The following STPG2 variants were observed in gnomAD, a reference collection of about 807,000 sequenced individuals.
The protein encoded by STPG2 is sperm-tail PG-rich repeat-containing protein 2.
In STPG2, 56 loss-of-function variants were observed where a neutral mutation model predicts 54.2. The ratio of observed to expected loss-of-function variants is 1.03; its 90% CI spans 0.83 to 1.29. STPG2 has a LOEUF of 1.29. Ranked by LOEUF, STPG2 falls within the 50% of genes most tolerant of loss-of-function variation. STPG2 has a pLI of 0.00. For synonymous variants in STPG2, 200 were observed against 181.8 expected (o/e 1.10, Z -0.81); for missense variants, 596 against 544.9 (o/e 1.09, Z -0.93).
chr4:97,860,089 C>A (rs569967536), intron 8 of STPG2, among the ~76,000 whole-genome samples: 3 of 152,270 alleles, frequency 2.0e-5, no homozygotes, highest in East Asian at 3.9e-4. Flanking sequence ...GGTCTACGTG[C>A]CAATTTGTAC....
At chr4:97,800,562 C>T (rs1479530795) in intron 9 of STPG2, among the ~76,000 whole-genome samples, 1 of 152,174 alleles carries the variant, frequency 6.6e-6, no homozygotes, top group African/African-American at 2.4e-5. Flanking sequence ...CAGAGTGGTA[C>T]CCGGCCGTGT....
chr4:97,867,098 T>A (rs1729815840), intron 8 of STPG2, among the ~76,000 whole-genome samples: 1 of 152,000 alleles, frequency 6.6e-6, no homozygotes, highest in Admixed American at 6.6e-5. Context: ...CAGCCTAGAA[T>A]CTGTTTATTG....
chr4:97,477,762 T>C (rs1301049744), intron 4 of STPG2, among the ~76,000 whole-genome samples: 1 of 152,000 alleles, frequency 6.6e-6, no homozygotes, highest in Non-Finnish European at 1.5e-5. Flanking sequence ...AGTGCTGGGA[T>C]TACAGACGTG....
chr4:97,768,122 A>G lies in STPG2; in HGVS notation c.1205-55308T>C, dbSNP rs535979527. ...GCGGATCTTGCAGTGAGCCGAGATC[A>G]CGCCACTGCACTCCAGCCTGGGCAA... On this transcript the variant is annotated intron_variant, in intron 9 of 10. Transcript: ENST00000295268. 1.2e-4 allele frequency among the ~76,000 whole-genome samples: 18 copies of G among 151,554 alleles called. No individual in the cohort carries two copies. The South Asian group carries it at 2.1e-3, about 18-fold the overall frequency.
intron 4 of STPG2, among the ~76,000 whole-genome samples, chr4:97,462,448 G>A (rs769895397): frequency 5.3e-5 from 8 of 151,656 alleles, no homozygotes; most frequent in Non-Finnish European, 1.0e-4. Flanking sequence ...CATACAATCC[G>A]CTGAGATTTT....
chr4:97,894,596 AC>A lies in STPG2; in HGVS notation c.1044+49300del, dbSNP rs150915062. Among the ~76,000 whole-genome samples, 392 of 151,842 alleles carry A rather than the reference AC, an allele frequency of 2.6e-3. 3 individuals carry two copies. The highest frequency in any genetic ancestry group is 8.8e-3 in the African/African-American group (366 of 41,476). ...CTCAGGATTCCCAATTAACTGCTCT[AC>A]TCAATCTTAACCATGCTCTTCAGCT... On this transcript the variant is annotated intron_variant, in intron 8 of 10. Transcript: ENST00000295268.
intron 8 of STPG2, among the ~76,000 whole-genome samples, chr4:97,852,967 C>CT (rs574886386): frequency 0.033 from 2,318 of 69,666 alleles, 486 homozygotes; most frequent in African/African-American, 0.06. Context: ...AACATATTTT[C>CT]TTTTTTTTTT....
At chr4:97,751,722 C>T (rs1725585888) in intron 9 of STPG2, among the ~76,000 whole-genome samples, 1 of 151,652 alleles carries the variant, frequency 6.6e-6, no homozygotes. Flanking sequence ...TTATGAGAAT[C>T]AATTTGGAAT....
chr4:97,630,765 C>G (rs183176664), intron 10 of STPG2, among the ~76,000 whole-genome samples: 1 of 151,590 alleles, frequency 6.6e-6, no homozygotes, highest in Non-Finnish European at 1.5e-5. Context: ...TAGTCAATCT[C>G]AAGGTGGCTT....
At chr4:97,483,227 C>A (rs1730269321) in intron 4 of STPG2, among the ~76,000 whole-genome samples, 1 of 151,718 alleles carries the variant, frequency 6.6e-6, no homozygotes, top group Non-Finnish European at 1.5e-5. Context: ...TACCTCACAT[C>A]TCAATACTAA....
chr4:97,625,489 CT>C (rs1163174081), intron 10 of STPG2, among the ~76,000 whole-genome samples: 1 of 151,960 alleles, frequency 6.6e-6, no homozygotes, highest in Non-Finnish European at 1.5e-5. Flanking sequence ...TTTGTATTTT[CT>C]TTTTAGTAGA....
chr4:97,705,449 C>T (rs1053064722), intron 10 of STPG2, among the ~76,000 whole-genome samples: 3 of 152,064 alleles, frequency 2.0e-5, no homozygotes, highest in African/African-American at 7.2e-5. Context: ...TCTCTGCCTC[C>T]TAAGCAGCTG....
chr4:97,883,657 GGAAA>G (rs1730460301), intron 8 of STPG2, among the ~76,000 whole-genome samples: 1 of 151,968 alleles, frequency 6.6e-6, no homozygotes, highest in Non-Finnish European at 1.5e-5. Context: ...ACAGAGCCAA[GGAAA>G]GAATCACTGC....
At chr4:97,541,157 T>A (rs1226143354) in intron 4 of STPG2, among the ~76,000 whole-genome samples, 1 of 152,014 alleles carries the variant, frequency 6.6e-6, no homozygotes, top group Non-Finnish European at 1.5e-5. Context: ...GGGTATTCAA[T>A]TAGGAAAAGA....
intron 10 of STPG2, chr4:97,633,722 A>AGG (rs2148935687): frequency 6.5e-6 from 1 of 153,596 alleles, no homozygotes; most frequent in African/African-American, 2.4e-5. Flanking sequence ...AATCAAAGAA[A>AGG]GGGGTGACGG....
intron 8 of STPG2, among the ~76,000 whole-genome samples, chr4:97,857,033 T>C (rs1261369441): frequency 6.6e-6 from 1 of 152,176 alleles, no homozygotes; most frequent in Non-Finnish European, 1.5e-5. Context: ...GGATGAGATT[T>C]TGATGTGCTG....
intron 1 of STPG2, among the ~76,000 whole-genome samples, chr4:98,138,905 T>C (rs770819987): frequency 2.0e-4 from 31 of 152,168 alleles, no homozygotes; most frequent in Non-Finnish European, 4.1e-4. Flanking sequence ...ACAGCTGATA[T>C]TTATTACATA....
At chr4:97,724,929 G>T (rs1314666645) in intron 9 of STPG2, among the ~76,000 whole-genome samples, 1 of 152,046 alleles carries the variant, frequency 6.6e-6, no homozygotes, top group African/African-American at 2.4e-5. Context: ...AGTACTTCTT[G>T]AAAGAGTACA....
chr4:97,967,147 T>C (rs1486054443), intron 7 of STPG2, among the ~76,000 whole-genome samples: 1 of 60,292 alleles, frequency 1.7e-5, no homozygotes, highest in African/African-American at 6.6e-5. Context: ...AGGCTCAAAA[T>C]AAAGGGATGG....
Sources: allele counts gnomAD v4.1 joint callset (sites outside exome capture counted in the v4.1 genomes callset), GRCh38; gene constraint gnomAD v4.1.1; transcripts MANE v1.5; gene names NCBI Gene and HGNC (gene_info 2026-07-23, HGNC 2026-07-21).